The following PCDHGB2 variants were observed in gnomAD, a reference collection of about 807,000 sequenced individuals.
The protein encoded by PCDHGB2 is protocadherin gamma subfamily B, 2.
Under a neutral mutation model 59.3 loss-of-function variants are expected in PCDHGB2, and 55 were observed. The observed-to-expected ratio is 0.93, with a 90% CI of 0.75 to 1.16. The LOEUF is 1.16. Among genes scored for constraint, PCDHGB2 ranks in the 50% most tolerant of loss-of-function variants. The probability of loss-of-function intolerance (pLI) is 0.00; values close to 1 mark genes in which losing one functional copy is unlikely to be tolerated. For synonymous variants in PCDHGB2, 516 were observed against 512.0 expected, an observed-to-expected ratio of 1.01 and a Z score of -0.11; for missense variants, 1,228 against 1,198.5, an observed-to-expected ratio of 1.02 and a Z score of -0.36.
intron 1 of PCDHGB2, chr5:141,376,645 T>A (rs1174597911): frequency 5.9e-6 from 6 of 1,010,322 alleles, no homozygotes; most frequent in Non-Finnish European, 7.1e-6. Context: ...TTTTGTAAAG[T>A]GGAAGACTCC....
At position 141,384,883 on chromosome 5, in the gene PCDHGB2, G is replaced by A. The variant is rs774353364; in HGVS notation, c.2421+22327G>A. ...TCTGTCAGCCACCGTCACACTCACCGTGGCTGTGGCTGACAGCATCCCCGA... is the reference window on the plus strand; with the variant it reads ...TCTGTCAGCCACCGTCACACTCACCATGGCTGTGGCTGACAGCATCCCCGA... On this transcript the variant is annotated intron_variant, in intron 1 of 3. Coordinates refer to ENST00000522605, the MANE Select transcript of PCDHGB2 (RefSeq NM_018923.3). 62 of 1,613,804 alleles carry A rather than the reference G, an allele frequency of 3.8e-5. 1 individual carries two copies. In the East Asian group the frequency reaches 1.3e-3, roughly 35 times the overall value.
chr5:141,372,451 C>A (rs749000608), intron 1 of PCDHGB2: 1 of 1,614,042 alleles, frequency 6.2e-7, no homozygotes, highest in East Asian at 2.2e-5. Context: ...GACCCTCAGG[C>A]GGAGCTACAG....
chr5:141,480,533 G>A (rs2099521308), intron 1 of PCDHGB2, among the ~76,000 whole-genome samples: 1 of 127,758 alleles, frequency 7.8e-6, no homozygotes, highest in African/African-American at 3.6e-5. Flanking sequence ...CAAAGTAGAA[G>A]CACATATGAA....
intron 1 of PCDHGB2, among the ~76,000 whole-genome samples, chr5:141,474,250 A>G (rs2099346141): frequency 6.6e-6 from 1 of 152,236 alleles, no homozygotes; most frequent in East Asian, 1.9e-4. Flanking sequence ...GGGGAAAAAA[A>G]GACTGATAAA....
intron 1 of PCDHGB2, among the ~76,000 whole-genome samples, chr5:141,430,380 TG>T (rs1376875091): frequency 6.8e-6 from 1 of 147,890 alleles, no homozygotes; most frequent in Non-Finnish European, 1.5e-5. Flanking sequence ...AAAAGCTCAT[TG>T]GGAAAAAAAA....
chr5:141,383,196 T>G, intron 1 of PCDHGB2: 3 of 1,613,866 alleles, frequency 1.9e-6, no homozygotes, highest in Non-Finnish European at 2.5e-6. Flanking sequence ...GCGCTCAGAG[T>G]GCGCGGTGTC....
At position 141,511,622 on chromosome 5, in the gene PCDHGB2, A is replaced by G; in HGVS notation, c.*449A>G. 4.3e-6 allele frequency: 1 copy of G among 232,852 alleles called. No individual in the cohort carries two copies. The highest frequency in any genetic ancestry group is 8.7e-6 in the Non-Finnish European group (1 of 114,994). The allele number at this position is 232,852 out of a possible 1,614,324, so 14.4% of individuals were successfully genotyped here. A position where few individuals can be genotyped will look rare whatever the true frequency, so the allele number is the denominator to read the frequency against. On this transcript the variant is annotated 3_prime_UTR_variant, in exon 4 of 4. Transcript: ENST00000522605. ...AACCTACAAGCCTCCTAGTTCTGAA[A>G]AGTTGGAAGGGCATCATGACCTCTT...
In PCDHGB2 at chr5:141,432,808, C is replaced by G. The variant is rs1473886709; in HGVS notation, c.2422-61999C>G. ...TCGGCAGCCTCGAGTCTCCAGCTAA[C>G]TCTGAAACCTCAGACCTCACTCTGT... is the stretch of plus-strand genomic sequence containing the variant. On this transcript the variant is annotated intron_variant, in intron 1 of 3. Coordinates refer to ENST00000522605, the MANE Select transcript of PCDHGB2 (RefSeq NM_018923.3). This position sits in a 1 kb window ranked among gnomAD's most constrained non-coding sequence, Gnocchi z 6.0. 2 of 1,613,486 alleles carry G rather than the reference C, an allele frequency of 1.2e-6. No individual in the cohort carries two copies. Among genetic ancestry groups the G allele is most frequent in the Non-Finnish European group, 1.7e-6 (2 of 1,180,008 alleles).
chr5:141,445,272 T>C (rs1057201147), intron 1 of PCDHGB2, among the ~76,000 whole-genome samples: 1 of 152,236 alleles, frequency 6.6e-6, no homozygotes, highest in Non-Finnish European at 1.5e-5. Flanking sequence ...TCGAAACCAC[T>C]CTGCATAAGT....
intron 1 of PCDHGB2, chr5:141,427,571 G>T (rs1199845374): frequency 9.1e-6 from 6 of 662,944 alleles, no homozygotes; most frequent in Non-Finnish European, 1.7e-5. Context: ...GCAAGCCTCC[G>T]CTCTCATCCA....
intron 1 of PCDHGB2, chr5:141,478,289 G>A (rs1210628852): frequency 1.2e-6 from 2 of 1,614,146 alleles, no homozygotes; most frequent in African/African-American, 2.7e-5. Context: ...GCAGTCTAGA[G>A]ACCTATACCG....
Position 141,365,829 on chromosome 5 carries a change from C to G in PCDHGB2, c.2421+3273C>G, listed in dbSNP as rs776903918. ...GCTGAAGACACATTTCAGGGGGCGC[C>G]CTTGTCCTCCTATGTATCCATTAAC... On this transcript the variant is annotated intron_variant, in intron 1 of 3. Coordinates refer to ENST00000522605, the MANE Select transcript of PCDHGB2 (RefSeq NM_018923.3). 3 of 1,613,964 alleles carry G rather than the reference C, an allele frequency of 1.9e-6. No individual in the cohort carries two copies. The South Asian group carries it at 3.3e-5, about 18-fold the overall frequency.
chr5:141,478,204 T>C (rs775367944), intron 1 of PCDHGB2: 7 of 1,613,950 alleles, frequency 4.3e-6, no homozygotes, highest in Middle Eastern at 1.6e-4. Context: ...ATCTACTTCT[T>C]TCTCTAATCC....
rs2097549501 is a variant in PCDHGB2 at position 141,432,920 on chromosome 5, A to T, written c.2422-61887A>T. ...GGCGCTCAGGCTGCGGCGCTGGCAC[A>T]AGTCACGCCTGCTGCAGGCTTCAGG... On this transcript the variant is annotated intron_variant, in intron 1 of 3. Transcript: ENST00000522605. The surrounding 1 kb of genome is among the most constrained non-coding windows in gnomAD (Gnocchi z 6.0). 1 of 1,614,022 alleles carries T rather than the reference A, an allele frequency of 6.2e-7. No homozygotes were observed.
At chr5:141,394,710 C>T in intron 1 of PCDHGB2, 1 of 1,613,354 alleles carries the variant, frequency 6.2e-7, no homozygotes. Context: ...GCGAGCCCTG[C>T]TGGACAGAGA....
intron 3 of PCDHGB2, among the ~76,000 whole-genome samples, chr5:141,510,227 C>T (rs1010123412): frequency 1.3e-5 from 2 of 150,454 alleles, no homozygotes; most frequent in African/African-American, 2.5e-5. Context: ...GAGCCGGGAT[C>T]GCGCCACTGC....
rs752744809 is a variant in PCDHGB2, at chr5:141,393,680, T to C, written c.2421+31124T>C. On this transcript the variant is annotated intron_variant, in intron 1 of 3. Coordinates refer to ENST00000522605, the MANE Select transcript of PCDHGB2 (RefSeq NM_018923.3). The stretch of plus-strand genomic sequence containing the variant: ...TCCGGAAAATTAATGAAAAACAAAC[T>C]CCGTTATTCCAGCTTAATGAAAATA... 8 of 1,613,764 alleles carry C rather than the reference T, an allele frequency of 5.0e-6. No individual in the cohort carries two copies. The East Asian group carries it at 1.1e-4, about 22-fold the overall frequency.
rs920444759 is a variant in PCDHGB2, at chr5:141,432,767, C to G, written c.2422-62040C>G. On this transcript the variant is annotated intron_variant, in intron 1 of 3. Transcript: ENST00000522605. The surrounding 1 kb of genome is among the most constrained non-coding windows in gnomAD (Gnocchi z 6.0). ...CGTGGCCGTGGCCGACAGCATCCCC[C>G]AAGTCCTGGCGGACCTCGGCAGCCT... 2 of 1,614,058 alleles carry G rather than the reference C, an allele frequency of 1.2e-6. No individual in the cohort carries two copies. Among genetic ancestry groups the G allele is most frequent in the Admixed American group, 1.7e-5 (1 of 60,012 alleles).
chr5:141,408,290 A>T (rs767669019), intron 1 of PCDHGB2: 80 of 1,613,008 alleles, frequency 5.0e-5, no homozygotes, highest in Non-Finnish European at 6.1e-5. Context: ...CCCCACCCTG[A>T]GTGAGCCGAT....
Sources: allele counts gnomAD v4.1 joint callset (sites outside exome capture counted in the v4.1 genomes callset), GRCh38; gene constraint gnomAD v4.1.1; non-coding constraint Gnocchi (gnomAD v3.1); transcripts MANE v1.5; gene names NCBI Gene and HGNC (gene_info 2026-07-23, HGNC 2026-07-21).